The following LPP variants were observed in gnomAD, a reference collection of about 807,000 sequenced individuals.
LPP encodes LIM domain containing preferred translocation partner in lipoma.
LPP carries 38 observed loss-of-function variants against 60.4 expected under a neutral mutation model. The observed-to-expected ratio is 0.63, with a 90% CI of 0.49 to 0.83. The LOEUF (loss-of-function observed/expected upper bound fraction) is 0.83. Among genes scored for constraint, LPP ranks in the 40% least tolerant of loss-of-function variants. The pLI is 0.00. For synonymous variants in LPP, 328 were observed against 290.8 expected (o/e 1.13, Z -1.30); for missense variants, 902 against 783.6 (o/e 1.15, Z -1.80).
At chr3:188,361,346 A>T (rs1415494284) in intron 3 of LPP, among the ~76,000 whole-genome samples, 6 of 151,948 alleles carry the variant, frequency 3.9e-5, no homozygotes, top group Admixed American at 3.9e-4. Flanking sequence ...AAATTTATAA[A>T]TCCTTAAAAT....
At chr3:188,772,411 C>T (rs1266017775) in intron 9 of LPP, among the ~76,000 whole-genome samples, 2 of 152,364 alleles carry the variant, frequency 1.3e-5, no homozygotes, top group Non-Finnish European at 2.9e-5. Flanking sequence ...TATCAAGTCA[C>T]TGGCATCCTT....
At chr3:188,543,439 G>A (rs1825736355) in intron 6 of LPP, among the ~76,000 whole-genome samples, 1 of 152,174 alleles carries the variant, frequency 6.6e-6, no homozygotes, top group African/African-American at 2.4e-5. Flanking sequence ...CTTTCACAAG[G>A]CTGCAATCAA....
chr3:188,281,039 A>T (rs1454786863), intron 2 of LPP, among the ~76,000 whole-genome samples: 1 of 151,330 alleles, frequency 6.6e-6, no homozygotes, highest in Non-Finnish European at 1.5e-5. Flanking sequence ...GGCTCAAGCG[A>T]TTCTCCTGCC....
chr3:188,718,459 T>C (rs942012039), intron 8 of LPP, among the ~76,000 whole-genome samples: 3 of 152,180 alleles, frequency 2.0e-5, no homozygotes, highest in African/African-American at 7.2e-5. Context: ...TAAATAACTT[T>C]TAAGGAATTT....
chr3:188,859,211 C>CA (rs986863902), intron 9 of LPP, among the ~76,000 whole-genome samples: 32 of 151,744 alleles, frequency 2.1e-4, no homozygotes, highest in African/African-American at 7.5e-4. Context: ...GAATTTGTTT[C>CA]AGTGCAGGCT....
At chr3:188,739,837 T>C (rs761994682) in intron 8 of LPP, among the ~76,000 whole-genome samples, 20 of 152,072 alleles carry the variant, frequency 1.3e-4, no homozygotes, top group Non-Finnish European at 2.1e-4. Flanking sequence ...AGAGCCCTTA[T>C]GCATGCTTGA....
At chr3:188,305,430 T>A (rs544685291) in intron 2 of LPP, among the ~76,000 whole-genome samples, 1 of 152,198 alleles carries the variant, frequency 6.6e-6, no homozygotes, top group African/African-American at 2.4e-5. Flanking sequence ...TGTGGAAATC[T>A]GAGATAGGTA....
chr3:188,193,746 CT>C (rs565377158), intron 1 of LPP, among the ~76,000 whole-genome samples: 23 of 146,056 alleles, frequency 1.6e-4, no homozygotes, highest in Admixed American at 2.1e-4. Context: ...GTAGAAGGTT[CT>C]TTTTTTTTTT....
At chr3:188,419,862 C>T (rs1011487386) in intron 4 of LPP, among the ~76,000 whole-genome samples, 12 of 151,634 alleles carry the variant, frequency 7.9e-5, no homozygotes, top group African/African-American at 2.7e-4. Flanking sequence ...CCAGCCTAGG[C>T]GTCAGAGTAA....
At chr3:188,503,259 C>T (rs1384869793) in intron 5 of LPP, among the ~76,000 whole-genome samples, 2 of 152,034 alleles carry the variant, frequency 1.3e-5, no homozygotes, top group Non-Finnish European at 2.9e-5. Context: ...GTTCCTTTTT[C>T]AGTTGTTGAT....
At position 188,876,137 on chromosome 3, in the gene LPP, T is replaced by C. The variant is rs1381312556; in HGVS notation, c.*1658T>C. On this transcript the variant is annotated 3_prime_UTR_variant, in exon 12 of 12. Transcript: ENST00000617246. ...AAGTGATGTTCAGATTTCTAGTTTT[T>C]TTTCTAGTTTTTAATTTTAACATCA... 1 of 188,702 alleles carries C rather than the reference T, an allele frequency of 5.3e-6. No individual in the cohort carries two copies. The highest frequency in any genetic ancestry group is 1.1e-5 in the Non-Finnish European group (1 of 89,548). The allele number at this position is 188,702 out of a possible 1,614,324, so 11.7% of individuals were successfully genotyped here. A position where few individuals can be genotyped will look rare whatever the true frequency, so the allele number is the denominator to read the frequency against.
chr3:188,368,221 G>A (rs959316779), intron 3 of LPP, among the ~76,000 whole-genome samples: 2 of 152,152 alleles, frequency 1.3e-5, no homozygotes, highest in African/African-American at 2.4e-5. Context: ...TTGTTTTTAA[G>A]CAAAACTTTG....
intron 4 of LPP, among the ~76,000 whole-genome samples, chr3:188,430,596 G>C (rs1162121526): frequency 3.9e-5 from 6 of 152,180 alleles, no homozygotes; most frequent in Admixed American, 3.9e-4. Flanking sequence ...GTTATACCAT[G>C]TGTTTGTTTA....
intron 2 of LPP, among the ~76,000 whole-genome samples, chr3:188,239,499 T>G (rs1452309885): frequency 2.6e-5 from 4 of 152,176 alleles, no homozygotes; most frequent in Non-Finnish European, 5.9e-5. Flanking sequence ...TTATATCACC[T>G]TTTCTTACTA....
chr3:188,235,373 G>A (rs1210199302), intron 2 of LPP, among the ~76,000 whole-genome samples: 2 of 152,122 alleles, frequency 1.3e-5, no homozygotes, highest in East Asian at 1.9e-4. Context: ...TCAGGAGGTC[G>A]AAGTTCACAA....
chr3:188,423,083 A>G (rs192247063), intron 4 of LPP, among the ~76,000 whole-genome samples: 46 of 152,052 alleles, frequency 3.0e-4, no homozygotes, highest in Middle Eastern at 6.8e-3. Flanking sequence ...ATTTCTCCTA[A>G]TGCTATCCCT....
At chr3:188,785,547 T>TATATATATATACATACACAC (rs1206082559) in intron 9 of LPP, among the ~76,000 whole-genome samples, 1 of 43,838 alleles carries the variant, frequency 2.3e-5, no homozygotes, top group African/African-American at 9.4e-5. Flanking sequence ...TATATATATA[T>TATATATATATACATACACAC]ACACACACAC....
intron 6 of LPP, among the ~76,000 whole-genome samples, chr3:188,545,118 G>C (rs1294574137): frequency 1.0e-5 from 1 of 100,072 alleles, no homozygotes; most frequent in Admixed American, 1.1e-4. Flanking sequence ...GTCGGGGGAG[G>C]GGGGAGGGAT....
At chr3:188,575,822 T>C (rs1834489477) in intron 6 of LPP, among the ~76,000 whole-genome samples, 1 of 152,188 alleles carries the variant, frequency 6.6e-6, no homozygotes, top group Non-Finnish European at 1.5e-5. Context: ...CAGTTGTTCC[T>C]GCCTCTTAGG....
Sources: gnomAD v4.1 joint callset for allele counts (sites outside exome capture counted in the v4.1 genomes callset) on GRCh38, gnomAD v4.1.1 for gene constraint, MANE v1.5 for transcripts, NCBI Gene and HGNC (gene_info 2026-07-23, HGNC 2026-07-21) for gene names.